Variants in PMPCB observed in about 807,000 individuals in gnomAD.
PMPCB encodes the protein peptidase, mitochondrial processing subunit beta.
PMPCB carries 46 observed loss-of-function variants against 61.5 expected under a neutral mutation model. The observed-to-expected ratio is 0.75, with a 90% CI of 0.59 to 0.96. PMPCB has a LOEUF of 0.96. Among genes scored for constraint, PMPCB ranks in the 40% least tolerant of loss-of-function variants. The pLI is 0.00. For missense variants in PMPCB, 590 were observed against 602.4 expected (o/e 0.98, Z 0.22); for synonymous variants, 191 against 201.6 (o/e 0.95, Z 0.44).
intron 12 of PMPCB, chr7:103,319,872 C>G: frequency 6.2e-7 from 1 of 1,608,436 alleles, no homozygotes; most frequent in Non-Finnish European, 8.5e-7. Context: ...AAAATAGTAT[C>G]TACACTCAAA....
chr7:103,318,048 C>CT (rs1489110327), downstream of PMPCB, among the ~76,000 whole-genome samples: 1 of 151,664 alleles, frequency 6.6e-6, no homozygotes, highest in Non-Finnish European at 1.5e-5. Flanking sequence ...GTTGAACCTT[C>CT]TGTTAATCAA....
At chr7:103,317,132 T>C (rs565220629), downstream of PMPCB, 11 of 911,812 alleles carry the variant, frequency 1.2e-5, no homozygotes, top group East Asian at 2.0e-4. Flanking sequence ...TCTGACCCCA[T>C]ACTCCTCTCA....
chr7:103,336,886 T>C, the PMPCB span: 3 of 152,232 alleles, frequency 2.0e-5, no homozygotes, highest in Admixed American at 6.5e-5. Context: ...TTTGAGTTCA[T>C]CTACTATGCT....
chr7:103,345,020 G>A, the PMPCB span: 1 of 386,092 alleles, frequency 2.6e-6, no homozygotes, highest in East Asian at 3.9e-5. Flanking sequence ...ACTGCTTTAT[G>A]TATTAATCTG....
chr7:103,317,804 C>A (rs1563457037), downstream of PMPCB, among the ~76,000 whole-genome samples: 1 of 151,030 alleles, frequency 6.6e-6, no homozygotes, highest in African/African-American at 2.5e-5. Flanking sequence ...ATGCCTGCCA[C>A]CATGCCCAGC....
At chr7:103,306,122 T>C (rs1349587208) in intron 6 of PMPCB, among the ~76,000 whole-genome samples, 1 of 152,220 alleles carries the variant, frequency 6.6e-6, no homozygotes, top group Non-Finnish European at 1.5e-5. Flanking sequence ...TGCTGACCTC[T>C]GAATTATGTC....
intron 4 of PMPCB, among the ~76,000 whole-genome samples, chr7:103,300,898 G>C (rs1817433010): frequency 2.0e-5 from 3 of 152,080 alleles, no homozygotes. Context: ...TGGCCAGGCT[G>C]GACTTAAACT....
At chr7:103,332,084 A>G (rs1254047961), downstream of PMPCB, among the ~76,000 whole-genome samples, 1 of 150,422 alleles carries the variant, frequency 6.6e-6, no homozygotes, top group African/African-American at 2.4e-5. Context: ...GGCTCACTGC[A>G]TGCTCTGCCT....
downstream of PMPCB, among the ~76,000 whole-genome samples, chr7:103,317,649 T>G (rs1221270591): frequency 1.3e-5 from 2 of 152,094 alleles, no homozygotes; most frequent in African/African-American, 4.8e-5. Context: ...GCAGGTTCTT[T>G]TTCTTTCTTT....
chr7:103,318,524 CA>C (rs1818199403), downstream of PMPCB, among the ~76,000 whole-genome samples: 2 of 152,180 alleles, frequency 1.3e-5, no homozygotes, highest in Non-Finnish European at 2.9e-5. Flanking sequence ...TCCTACACCT[CA>C]TTTACTATGG....
At chr7:103,297,944 C>G (rs1392258695) in intron 1 of PMPCB, 10 of 1,234,260 alleles carry the variant, frequency 8.1e-6, no homozygotes, top group Non-Finnish European at 9.2e-6. Context: ...CGAACCTGGA[C>G]ATCAATGAAG....
intron 12 of PMPCB, among the ~76,000 whole-genome samples, chr7:103,326,048 G>A (rs1419382980): frequency 1.3e-5 from 2 of 151,644 alleles, no homozygotes; most frequent in African/African-American, 2.4e-5. Flanking sequence ...GCATGACCTC[G>A]GCTCACTGCA....
chr7:103,298,736 G>A, intron 2 of PMPCB, 28 bp downstream of exon 2: 1 of 1,599,204 alleles, frequency 6.3e-7, no homozygotes, highest in Non-Finnish European at 8.5e-7. Flanking sequence ...CCTTCTCTAA[G>A]TGACCCTTCA....
At chr7:103,309,302 A>C (rs1203058716) in intron 8 of PMPCB, 1 of 389,762 alleles carries the variant, frequency 2.6e-6, no homozygotes, top group African/African-American at 2.1e-5. Flanking sequence ...TATTAGTGGC[A>C]AAATTTGAAT....
chr7:103,321,996 T>C lies in PMPCB; in HGVS notation c.*1432-6935T>C, dbSNP rs1818446025. On this transcript the variant is annotated intron_variant and NMD_transcript_variant, in intron 12 of 12. Coordinates refer to the PMPCB transcript ENST00000444457. Reference sequence around the variant, plus strand: ...GGCTTTTTTCTGGATATCTTTTTCCTTCTTTGCCAGCAATGCTTGCTGTCT... The same window carrying C: ...GGCTTTTTTCTGGATATCTTTTTCCCTCTTTGCCAGCAATGCTTGCTGTCT... 3 of 1,614,160 alleles carry C rather than the reference T, an allele frequency of 1.9e-6. No individual in the cohort carries two copies. The East Asian group carries it at 6.7e-5, about 36-fold the overall frequency.
Position 103,314,509 on chromosome 7 carries a change from A to G in PMPCB, c.*2238A>G. 1 of 985,396 alleles carries G rather than the reference A, an allele frequency of 1.0e-6. No homozygotes were observed. The highest frequency in any genetic ancestry group is 1.2e-6 in the Non-Finnish European group (1 of 829,918). 61.0% of individuals were successfully genotyped at this position (985,396 alleles called of 1,614,324 possible). A position where few individuals can be genotyped will look rare whatever the true frequency, so the allele number is the denominator to read the frequency against. Reference sequence around the variant, plus strand: ...AAATATCAGGGCCCACCTCCCTCCAACATGGAAACAAGTCCCCCTAAGAAA... The same window carrying G: ...AAATATCAGGGCCCACCTCCCTCCAGCATGGAAACAAGTCCCCCTAAGAAA... On this transcript the variant is annotated 3_prime_UTR_variant, in exon 13 of 13. Coordinates refer to ENST00000249269, the MANE Select transcript of PMPCB (RefSeq NM_004279.3).
At position 103,297,513 on chromosome 7, in the gene PMPCB, C is replaced by T. The variant is rs748622201; in HGVS notation, c.54C>T (p.Leu18=). 5 of 1,596,448 alleles carry T rather than the reference C, an allele frequency of 3.1e-6. No individual in the cohort carries two copies. The highest frequency in any genetic ancestry group is 1.7e-5 in the Admixed American group (1 of 57,970). Reference sequence around the variant, plus strand: ...TGTCATCCGCGGCGCGGCGGCGGCTCTGGGGTTTCAGCGAGAGTCTTCTAA... The same window carrying T: ...TGTCATCCGCGGCGCGGCGGCGGCTTTGGGGTTTCAGCGAGAGTCTTCTAA... ...VVLSSAARRR[L]WGFSESLLIR... Residue 18 remains leucine (L), a synonymous_variant, in exon 1 of 13, where the codon CTC becomes CTT. Coordinates refer to ENST00000249269, the MANE Select transcript of PMPCB (RefSeq NM_004279.3).
chr7:103,323,033 G>A (rs1818505664), intron 12 of PMPCB, among the ~76,000 whole-genome samples: 2 of 151,878 alleles, frequency 1.3e-5, no homozygotes. Flanking sequence ...AGGTTCAAGT[G>A]AGTCTCCTGC....
chr7:103,342,017 A>C, the PMPCB span: 1 of 1,293,874 alleles, frequency 7.7e-7, no homozygotes, highest in Non-Finnish European at 1.0e-6. Flanking sequence ...GTTTCAAGGC[A>C]ATTAATTTTT....
Sources: allele counts gnomAD v4.1 joint callset (sites outside exome capture counted in the v4.1 genomes callset), GRCh38; gene constraint gnomAD v4.1.1; transcripts MANE v1.5; gene names NCBI Gene and HGNC (gene_info 2026-07-23, HGNC 2026-07-21).